Variants in MAP6 observed in about 807,000 individuals in gnomAD.
MAP6 encodes the protein microtubule-associated protein 6.
MAP6 carries 26 observed loss-of-function variants against 42.4 expected under a neutral mutation model. The ratio of observed to expected loss-of-function variants is 0.61; its 90% CI spans 0.45 to 0.85. The LOEUF is 0.85. Among genes scored for constraint, MAP6 ranks in the 40% least tolerant of loss-of-function variants. The pLI is 0.00. For missense variants in MAP6, 966 were observed against 1,099.0 expected, an observed-to-expected ratio of 0.88 and a Z score of 1.71; for synonymous variants, 418 against 443.8, an observed-to-expected ratio of 0.94 and a Z score of 0.73.
intron 1 of MAP6, among the ~76,000 whole-genome samples, chr11:75,655,183 G>A (rs976545288): frequency 3.9e-5 from 6 of 152,150 alleles, no homozygotes; most frequent in East Asian, 1.9e-4. Flanking sequence ...TGAACTCTGA[G>A]TAAAAATAAT....
rs1299700411 is a variant in MAP6 at position 75,608,253 on chromosome 11, G to A, written c.975C>T (p.Pro325=). ...KPIKAKPQYK[P]PDDKMVHETS... The stretch of plus-strand genomic sequence containing the variant: ...TCTCATGAACCATCTTATCATCTGG[G>A]GGCTTGTACTGGGGCTTGGCCTTTA... The change falls in exon 2 of 4, where the codon CCC becomes CCT. Residue 325 remains proline (P), a synonymous_variant. Coordinates refer to ENST00000304771, the MANE Select transcript of MAP6 (RefSeq NM_033063.2). 3 of 1,614,054 alleles carry A rather than the reference G, an allele frequency of 1.9e-6. No homozygotes were observed. Among genetic ancestry groups the A allele is most frequent in the African/African-American group, 2.7e-5 (2 of 74,896 alleles).
chr11:75,632,627 G>C (rs1329992848), intron 1 of MAP6, among the ~76,000 whole-genome samples: 2 of 152,148 alleles, frequency 1.3e-5, no homozygotes, highest in African/African-American at 4.8e-5. Context: ...AGGACCTAAG[G>C]GTAAGGGATG....
At chr11:75,650,879 G>A (rs1455718826) in intron 1 of MAP6, among the ~76,000 whole-genome samples, 1 of 152,104 alleles carries the variant, frequency 6.6e-6, no homozygotes, top group Non-Finnish European at 1.5e-5. Context: ...TTTCTCTTGT[G>A]TTCCTTACCT....
At chr11:75,651,595 T>G (rs921821186) in intron 1 of MAP6, among the ~76,000 whole-genome samples, 3 of 152,186 alleles carry the variant, frequency 2.0e-5, no homozygotes, top group African/African-American at 7.2e-5. Flanking sequence ...AGCCAGAGAC[T>G]AATAGTATTT....
intron 3 of MAP6, chr11:75,604,166 C>G (rs1030714091): frequency 4.4e-5 from 43 of 985,766 alleles, no homozygotes; most frequent in Non-Finnish European, 5.1e-5. Context: ...TGGGCCTGAT[C>G]AACAACTTCG....
chr11:75,604,867 G>A (rs1438252110), intron 3 of MAP6: 1 of 985,378 alleles, frequency 1.0e-6, no homozygotes, highest in African/African-American at 1.7e-5. Flanking sequence ...AGCGGTTCAG[G>A]AAGGGAGAGT....
chr11:75,595,639 C>A (rs1942565423), intron 3 of MAP6, among the ~76,000 whole-genome samples: 1 of 152,204 alleles, frequency 6.6e-6, no homozygotes, highest in Admixed American at 6.5e-5. Flanking sequence ...CACTTAGCAA[C>A]CTCTACTCCG....
intron 1 of MAP6, among the ~76,000 whole-genome samples, chr11:75,648,578 A>C (rs1044381332): frequency 1.3e-5 from 2 of 152,226 alleles, no homozygotes; most frequent in Non-Finnish European, 2.9e-5. Flanking sequence ...ATAGTGAAGC[A>C]TTTCTTACAT....
At chr11:75,602,645 G>A (rs1015250399) in intron 3 of MAP6, among the ~76,000 whole-genome samples, 11 of 152,198 alleles carry the variant, frequency 7.2e-5, no homozygotes, top group African/African-American at 2.7e-4. Flanking sequence ...TTTTTGGCCA[G>A]TGCGTCTCCC....
Position 75,603,542 on chromosome 11 carries a change from A to G in MAP6, c.1316+2266T>C. 3.1e-6 allele frequency: 3 copies of G among 973,160 alleles called. No homozygotes were observed. The South Asian group carries it at 1.4e-4, about 46-fold the overall frequency. The allele number at this position is 973,160 out of a possible 1,614,324, so 60.3% of individuals were successfully genotyped here. A position where few individuals can be genotyped will look rare whatever the true frequency, so the allele number is the denominator to read the frequency against. On this transcript the variant is annotated intron_variant, in intron 3 of 3. Coordinates refer to ENST00000304771, the MANE Select transcript of MAP6 (RefSeq NM_033063.2). ...TGACAGGTTGAAAAAGACATGCTAC[A>G]GGTCCTCTAAAGCCTTGGGTGAGGG...
chr11:75,655,019 C>T (rs1011077549), intron 1 of MAP6, among the ~76,000 whole-genome samples: 7 of 152,202 alleles, frequency 4.6e-5, no homozygotes, highest in African/African-American at 1.7e-4. Flanking sequence ...TTTACTCTCA[C>T]CAGGGCCCGC....
chr11:75,646,068 A>C (rs1199664168), intron 1 of MAP6, among the ~76,000 whole-genome samples: 1 of 151,946 alleles, frequency 6.6e-6, no homozygotes, highest in African/African-American at 2.4e-5. Context: ...AGCATGATCC[A>C]TAAAAGCAAG....
rs967546629 is a variant in MAP6 at position 75,589,439 on chromosome 11, G to A, written c.1317-1255C>T. ...CAGCAAGCATCACAGGCCCTTGCACGCCTACAACACATCCAGCTTTCCGAA... is the reference window on the plus strand; with the variant it reads ...CAGCAAGCATCACAGGCCCTTGCACACCTACAACACATCCAGCTTTCCGAA... On this transcript the variant is annotated intron_variant, in intron 3 of 3. Transcript: ENST00000304771. Among the ~76,000 whole-genome samples the A allele has an allele frequency of 5.9e-5, 9 of 152,266 alleles. No individual in the cohort carries two copies. In the East Asian group the frequency reaches 7.7e-4, roughly 13 times the overall value.
intron 1 of MAP6, among the ~76,000 whole-genome samples, chr11:75,639,462 C>T (rs1943425678): frequency 6.6e-6 from 1 of 152,168 alleles, no homozygotes; most frequent in African/African-American, 2.4e-5. Flanking sequence ...ACGGATGCCG[C>T]TGGTTGAGAT....
intron 3 of MAP6, among the ~76,000 whole-genome samples, chr11:75,600,458 G>A (rs1166482685): frequency 6.6e-6 from 1 of 152,214 alleles, no homozygotes; most frequent in Admixed American, 6.5e-5. Flanking sequence ...TAGGTGTTAT[G>A]AGGATATATG....
intron 1 of MAP6, among the ~76,000 whole-genome samples, chr11:75,653,601 T>C (rs977551499): frequency 2.0e-5 from 3 of 152,252 alleles, no homozygotes; most frequent in African/African-American, 7.2e-5. Context: ...TCTAATTGCT[T>C]TTATTACAGT....
chr11:75,589,002 C>T (rs906805269), intron 3 of MAP6, among the ~76,000 whole-genome samples: 1 of 152,100 alleles, frequency 6.6e-6, no homozygotes, highest in African/African-American at 2.4e-5. Flanking sequence ...ATAGACAGTG[C>T]GCCCTGTGAT....
intron 1 of MAP6, among the ~76,000 whole-genome samples, chr11:75,654,005 T>C (rs1203430437): frequency 6.6e-6 from 1 of 152,228 alleles, no homozygotes; most frequent in Non-Finnish European, 1.5e-5. Flanking sequence ...CTATTAAGCA[T>C]CTATTAAACA....
intron 3 of MAP6, among the ~76,000 whole-genome samples, chr11:75,589,514 C>T (rs914954870): frequency 6.6e-6 from 1 of 152,156 alleles, no homozygotes; most frequent in Non-Finnish European, 1.5e-5. Context: ...CTGTGAAGCA[C>T]ACAGGAAGGA....
Sources: allele counts gnomAD v4.1 joint callset (sites outside exome capture counted in the v4.1 genomes callset), GRCh38; gene constraint gnomAD v4.1.1; transcripts MANE v1.5; gene names NCBI Gene and HGNC (gene_info 2026-07-23, HGNC 2026-07-21).